ERV3-1: variants seen among roughly 807,000 people sequenced by gnomAD.
ERV3-1 encodes endogenous retrovirus group 3 member 1 Env polyprotein.
In ERV3-1, 36 loss-of-function variants were observed where a neutral mutation model predicts 24.6. The observed-to-expected ratio is 1.47, with a 90% CI of 1.12 to 1.94. The LOEUF (loss-of-function observed/expected upper bound fraction) is 1.94, where lower values mean the gene tolerates loss of function less well. Ranked by LOEUF, ERV3-1 falls within the 30% of genes most tolerant of loss-of-function variation. ERV3-1 has a pLI of 0.00. For missense variants in ERV3-1, 578 were observed against 330.9 expected (o/e 1.75, Z -5.79); for synonymous variants, 211 against 122.6 (o/e 1.72, Z -4.76).
rs201452191 is a variant in ERV3-1 at position 64,991,268 on chromosome 7, T to C, written c.1759A>G (p.Ile587Val). ...LDDEGKVIKEITAKIQKLAHI... is the reference protein window; with the variant it reads ...LDDEGKVIKEVTAKIQKLAHI... ...GCTAACTTTTGGATTTTAGCAGTTA[T>C]TTCTTTGATGACCTTTCCTTCGTCA... Residue 587 changes from isoleucine to valine, a missense_variant, in exon 2 of 2, where the codon ATA (isoleucine) becomes GTA (valine). By Grantham distance (29) the Ile-to-Val change is conservative. Coordinates refer to ENST00000394323, the MANE Select transcript of ERV3-1 (RefSeq NM_001007253.4). 4.1e-4 allele frequency: 302 copies of C among 741,342 alleles called. No individual in the cohort carries two copies. Among genetic ancestry groups the C allele is most frequent in the Non-Finnish European group, 6.6e-4 (266 of 404,538 alleles). 45.9% of individuals were successfully genotyped at this position (741,342 alleles called of 1,614,324 possible). A position where few individuals can be genotyped will look rare whatever the true frequency, so the allele number is the denominator to read the frequency against.
chr7:65,002,453 A>T (rs1330335217), intron 1 of ERV3-1, among the ~76,000 whole-genome samples: 3 of 152,122 alleles, frequency 2.0e-5, no homozygotes, highest in Admixed American at 6.5e-5. Context: ...CCTCCAGAGT[A>T]GGTGGGATAA....
chr7:64,999,186 G>C (rs1384578898), intron 1 of ERV3-1, among the ~76,000 whole-genome samples: 1 of 152,152 alleles, frequency 6.6e-6, no homozygotes. Context: ...GCACTGTCAG[G>C]GAGGGGCGCC....
chr7:65,003,904 T>C (rs1160479886), intron 1 of ERV3-1: 1 of 152,188 alleles, frequency 6.6e-6, no homozygotes, highest in Non-Finnish European at 1.5e-5. Flanking sequence ...GATGTTTTCA[T>C]GAATGTAACT....
chr7:65,001,459 A>G (rs984440087), intron 1 of ERV3-1, among the ~76,000 whole-genome samples: 1 of 152,202 alleles, frequency 6.6e-6, no homozygotes, highest in Non-Finnish European at 1.5e-5. Context: ...GCTGTGGTGA[A>G]ATTCCTAAGG....
Position 64,992,152 on chromosome 7 carries a change from C to A in ERV3-1, c.875G>T (p.Cys292Phe). Residue 292 changes from cysteine (C) to phenylalanine (F), a missense_variant, in exon 2 of 2, where the codon TGT (cysteine) becomes TTT (phenylalanine). Cys to Phe is a radical substitution (Grantham distance 205, BLOSUM62 -2). Coordinates refer to ENST00000394323, the MANE Select transcript of ERV3-1 (RefSeq NM_001007253.4). ...CATGTTCATTCCCCCACAGACATAA[C>A]ATGAAGCAACGTGCAGGCTGCTGGC... ...NIASSLHVASCYVCGGMNMGD... is the reference protein window; with the variant it reads ...NIASSLHVASFYVCGGMNMGD... 1.3e-6 allele frequency: 1 copy of A among 766,416 alleles called. No individual in the cohort carries two copies. The highest frequency in any genetic ancestry group is 2.3e-4 in the Middle Eastern group (1 of 4,440). The allele number at this position is 766,416 out of a possible 1,614,324, so 47.5% of individuals were successfully genotyped here.
In ERV3-1 at chr7:64,990,791, C is replaced by T. The variant is rs181613196; in HGVS notation, c.*421G>A. ...TCCCTGCTCCTGGAGCCCACTCCTT[C>T]GGAGCCCCTGCCTGGCCTTGCAGAT... is the stretch of plus-strand genomic sequence containing the variant. On this transcript the variant is annotated 3_prime_UTR_variant, in exon 2 of 2. Transcript: ENST00000394323. 74 of 155,128 alleles carry T rather than the reference C, an allele frequency of 4.8e-4. No homozygotes were observed. Among genetic ancestry groups the T allele is most frequent in the African/African-American group, 9.4e-4 (39 of 41,680 alleles). The allele number at this position is 155,128 out of a possible 1,614,324, so 9.6% of individuals were successfully genotyped here.
At chr7:65,001,281 T>G (rs1414180458) in intron 1 of ERV3-1, among the ~76,000 whole-genome samples, 1 of 152,234 alleles carries the variant, frequency 6.6e-6, no homozygotes, top group Non-Finnish European at 1.5e-5. Context: ...CTCTGATTTA[T>G]TTCTGTGTCC....
At chr7:64,999,591 T>C (rs928546045) in intron 1 of ERV3-1, among the ~76,000 whole-genome samples, 4 of 152,220 alleles carry the variant, frequency 2.6e-5, no homozygotes, top group Admixed American at 2.0e-4. Flanking sequence ...ACAACAGGAT[T>C]TGCAACATGA....
chr7:65,000,466 G>T (rs1786496475), intron 1 of ERV3-1, among the ~76,000 whole-genome samples: 1 of 151,876 alleles, frequency 6.6e-6, no homozygotes, highest in Admixed American at 6.6e-5. Flanking sequence ...CTTGTGATCT[G>T]CCCACCTCGG....
At position 64,992,527 on chromosome 7, in the gene ERV3-1, T is replaced by C. The variant is rs189142639; in HGVS notation, c.500A>G (p.Asp167Gly). Residue 167 changes from aspartate to glycine, a missense_variant, in exon 2 of 2, where the codon GAC becomes GGC. Physicochemically the swap from Asp to Gly is moderately conservative, Grantham distance 94. Coordinates refer to ENST00000394323, the MANE Select transcript of ERV3-1 (RefSeq NM_001007253.4). ...STDSPVTTCW[D>G]CTTWSTNQQS... is the part of the protein sequence containing the mutation. ...TTGGTTAGTGGACCACGTTGTGCAGTCCCAGCAAGTTGTTACTGGGGAATC... is the reference window on the plus strand; with the variant it reads ...TTGGTTAGTGGACCACGTTGTGCAGCCCCAGCAAGTTGTTACTGGGGAATC... 1.3e-6 allele frequency: 1 copy of C among 766,376 alleles called. No homozygotes were observed. Among genetic ancestry groups the C allele is most frequent in the East Asian group, 2.4e-5 (1 of 41,234 alleles). The allele number at this position is 766,376 out of a possible 1,614,324, so 47.5% of individuals were successfully genotyped here. A position where few individuals can be genotyped will look rare whatever the true frequency, so the allele number is the denominator to read the frequency against.
chr7:64,999,892 C>A (rs1317737711), intron 1 of ERV3-1, among the ~76,000 whole-genome samples: 1 of 152,148 alleles, frequency 6.6e-6, no homozygotes, highest in African/African-American at 2.4e-5. Flanking sequence ...CAGGGAAGGA[C>A]TTGTTTTCCC....
intron 1 of ERV3-1, among the ~76,000 whole-genome samples, chr7:64,996,013 T>C (rs1448919789): frequency 6.6e-6 from 1 of 152,234 alleles, no homozygotes; most frequent in Non-Finnish European, 1.5e-5. Context: ...ATGGGCTGAC[T>C]AACTGGTGCC....
rs569698529 is a variant in ERV3-1 at position 64,993,353 on chromosome 7, C to T, written c.-327G>A. 8.4e-6 allele frequency: 2 copies of T among 237,180 alleles called. No individual in the cohort carries two copies. Among genetic ancestry groups the T allele is most frequent in the Non-Finnish European group, 1.6e-5 (2 of 121,730 alleles). 14.7% of individuals were successfully genotyped at this position (237,180 alleles called of 1,614,324 possible). Reference sequence around the variant, plus strand: ...GGTCTAGGTCCTGTTGGCTGGTCCACTTGTCCTGGGCTGCTGGTTTCAGCT... The same window carrying T: ...GGTCTAGGTCCTGTTGGCTGGTCCATTTGTCCTGGGCTGCTGGTTTCAGCT... On this transcript the variant is annotated 5_prime_UTR_variant, in exon 2 of 2. In the 5' UTR this introduces an upstream ATG that the reference lacks. Transcript: ENST00000394323.
At chr7:65,003,729 A>C (rs554199635) in intron 1 of ERV3-1, 2 of 152,220 alleles carry the variant, frequency 1.3e-5, no homozygotes, top group Admixed American at 1.3e-4. Context: ...ATATGTTATT[A>C]TTTCCATTAA....
intron 1 of ERV3-1, among the ~76,000 whole-genome samples, chr7:64,994,860 AC>A (rs1301070935): frequency 6.6e-6 from 1 of 152,232 alleles, no homozygotes; most frequent in Non-Finnish European, 1.5e-5. Context: ...CTACGCCTCC[AC>A]CACTGAGTCT....
Position 64,991,868 on chromosome 7 carries a change from G to C in ERV3-1, c.1159C>G (p.Pro387Ala), listed in dbSNP as rs1165518233. Reference protein sequence around the residue: ...WRGKSNNSESPHPSPFSRFPS... With the variant: ...WRGKSNNSESAHPSPFSRFPS... Reference sequence around the variant, plus strand: ...AAACGAGAGAATGGGCTTGGGTGTGGTGATTCAGAATTATTGCTTTTGCCC... The same window carrying C: ...AAACGAGAGAATGGGCTTGGGTGTGCTGATTCAGAATTATTGCTTTTGCCC... The change falls in exon 2 of 2, where the codon CCA (proline) becomes GCA (alanine). Residue 387 changes from proline to alanine, a missense_variant. Coordinates refer to ENST00000394323, the MANE Select transcript of ERV3-1 (RefSeq NM_001007253.4). 4 of 766,206 alleles carry C rather than the reference G, an allele frequency of 5.2e-6. No individual in the cohort carries two copies. The African/African-American group carries it at 6.8e-5, about 13-fold the overall frequency. The allele number at this position is 766,206 out of a possible 1,614,324, so 47.5% of individuals were successfully genotyped here. A position where few individuals can be genotyped will look rare whatever the true frequency, so the allele number is the denominator to read the frequency against.
intron 1 of ERV3-1, among the ~76,000 whole-genome samples, chr7:65,001,346 G>C (rs1341087889): frequency 6.6e-6 from 1 of 152,200 alleles, no homozygotes; most frequent in Admixed American, 6.5e-5. Context: ...TTGGTGGAGA[G>C]AACAGGTTGC....
At position 64,991,227 on chromosome 7, in the gene ERV3-1, C is replaced by A; in HGVS notation, c.1800G>T (p.Gln600His). ...AATCTGGAGACTATCCTTTCCAAGT[C>A]TGAACTGGGATGTGAGCTAACTTTT... is the stretch of plus-strand genomic sequence containing the variant. ...KIQKLAHIPV[Q>H]TWKG The change falls in exon 2 of 2, where the codon CAG (glutamine) becomes CAT (histidine). Residue 600 changes from glutamine (Q) to histidine (H), a missense_variant. By Grantham distance (24) the Gln-to-His change is conservative (BLOSUM62 0). Coordinates refer to ENST00000394323, the MANE Select transcript of ERV3-1 (RefSeq NM_001007253.4). The A allele has an allele frequency of 1.3e-6, 1 of 753,306 alleles. No individual in the cohort carries two copies. Among genetic ancestry groups the A allele is most frequent in the South Asian group, 1.4e-5 (1 of 72,044 alleles). The allele number at this position is 753,306 out of a possible 1,614,324, so 46.7% of individuals were successfully genotyped here.
At chr7:65,001,923 C>T (rs1334379274) in intron 1 of ERV3-1, among the ~76,000 whole-genome samples, 1 of 152,200 alleles carries the variant, frequency 6.6e-6, no homozygotes, top group South Asian at 2.1e-4. Context: ...TCCATCTATG[C>T]TTTTGAGCTA....
Sources: gnomAD v4.1 joint callset for allele counts (sites outside exome capture counted in the v4.1 genomes callset) on GRCh38, gnomAD v4.1.1 for gene constraint, MANE v1.5 for transcripts, NCBI Gene and HGNC (gene_info 2026-07-23, HGNC 2026-07-21) for gene names.